The following PARD3B variants were observed in gnomAD, a reference collection of about 807,000 sequenced individuals.
PARD3B encodes the protein par-3 family cell polarity regulator beta, also known as partitioning defective 3 homolog B.
In PARD3B, 103 loss-of-function variants were observed where a neutral mutation model predicts 130.2. That is an observed-to-expected ratio of 0.79 (90% CI 0.67 to 0.93). PARD3B has a LOEUF of 0.93. Ranked by LOEUF, PARD3B falls within the 40% of genes least tolerant of loss-of-function variation. The pLI is 0.00. For missense variants in PARD3B, 1,609 were observed against 1,499.2 expected, an observed-to-expected ratio of 1.07 and a Z score of -1.21; for synonymous variants, 583 against 553.2, an observed-to-expected ratio of 1.05 and a Z score of -0.76.
intron 2 of PARD3B, among the ~76,000 whole-genome samples, chr2:204,854,707 T>C (rs1450200928): frequency 1.3e-5 from 2 of 152,132 alleles, no homozygotes; most frequent in African/African-American, 4.8e-5. Context: ...GGATAGCCCA[T>C]AGTTCTAGTC....
intron 20 of PARD3B, among the ~76,000 whole-genome samples, chr2:205,450,463 A>ATTTT (rs1559106458): frequency 3.8e-4 from 47 of 124,038 alleles, no homozygotes; most frequent in African/African-American, 8.6e-4. Context: ...TTAAGTGCAG[A>ATTTT]TTCTTTTTTT....
chr2:205,453,301 C>T (rs941220417), intron 20 of PARD3B, among the ~76,000 whole-genome samples: 27 of 152,198 alleles, frequency 1.8e-4, no homozygotes, highest in African/African-American at 3.4e-4. Flanking sequence ...AAACATGGTA[C>T]GTTTAGGAAA....
chr2:205,118,921 G>A lies in PARD3B; in HGVS notation c.681G>A (p.Arg227=). Residue 227 remains arginine (R), a splice_region_variant and synonymous_variant, in exon 7 of 23, where the codon AGG becomes AGA. Transcript: ENST00000406610. ...ATTTCAATCTAAATTTTGCATTTAGGATTCTAGGACTCTTCATCCGAGGCA... is the reference window on the plus strand; with the variant it reads ...ATTTCAATCTAAATTTTGCATTTAGAATTCTAGGACTCTTCATCCGAGGCA... ...VVPFFSSLSG[R]ILGLFIRGIE... is the part of the protein sequence containing the mutation. 1 of 1,563,876 alleles carries A rather than the reference G, an allele frequency of 6.4e-7. No individual in the cohort carries two copies. Among genetic ancestry groups the A allele is most frequent in the African/African-American group, 1.4e-5 (1 of 72,142 alleles).
At chr2:204,739,329 A>C (rs1335239742) in intron 2 of PARD3B, among the ~76,000 whole-genome samples, 1 of 151,966 alleles carries the variant, frequency 6.6e-6, no homozygotes, top group South Asian at 2.1e-4. Context: ...ATGTATTGAA[A>C]TGTGTGTGTT....
At position 204,572,635 on chromosome 2, in the gene PARD3B, A is replaced by AT. The variant is rs1414032591; in HGVS notation, c.120+26523dup. On this transcript the variant is annotated intron_variant, in intron 1 of 22. Transcript: ENST00000406610. ...ATTTCTATAAATACAGAAGCTGTGT[A>AT]TTTTTTTCCTGACAATATCTTAGTT... 3.3e-5 allele frequency among the ~76,000 whole-genome samples: 5 copies of AT among 152,254 alleles called. 1 individual carries two copies. In the East Asian group the frequency reaches 7.7e-4, roughly 24 times the overall value.
chr2:204,964,127 A>C (rs1188183532), intron 2 of PARD3B, among the ~76,000 whole-genome samples: 1 of 152,246 alleles, frequency 6.6e-6, no homozygotes, highest in African/African-American at 2.4e-5. Context: ...CTTAATGAAT[A>C]GAAAATATCT....
chr2:205,244,862 A>C lies in PARD3B; in HGVS notation c.2141-916A>C, dbSNP rs1486560068. On this transcript the variant is annotated intron_variant, in intron 15 of 22. Transcript: ENST00000406610. This position sits in a 1 kb window ranked among gnomAD's most constrained non-coding sequence, Gnocchi z 4.7. Reference sequence around the variant, plus strand: ...TCAAATGGATGCCCTTCAGTTATGAAGTTTTCTACTCTGGCTGTTGGAAAT... The same window carrying C: ...TCAAATGGATGCCCTTCAGTTATGACGTTTTCTACTCTGGCTGTTGGAAAT... Among the ~76,000 whole-genome samples the C allele has an allele frequency of 1.3e-5, 2 of 152,244 alleles. No homozygotes were observed. The highest frequency in any genetic ancestry group is 4.8e-5 in the African/African-American group (2 of 41,548).
intron 16 of PARD3B, among the ~76,000 whole-genome samples, chr2:205,264,357 G>T (rs1025192695): frequency 4.6e-5 from 7 of 151,086 alleles, no homozygotes; most frequent in Non-Finnish European, 8.9e-5. Context: ...GCAGTTACTA[G>T]AGTTAATGAT....
At chr2:205,039,950 C>CT (rs1014152616) in intron 3 of PARD3B, among the ~76,000 whole-genome samples, 4 of 151,778 alleles carry the variant, frequency 2.6e-5, no homozygotes, top group African/African-American at 4.8e-5. Context: ...GGCTTCAGTT[C>CT]TTTTTTTTGT....
In PARD3B at chr2:205,460,494, A is replaced by G. The variant is rs2048415731; in HGVS notation, c.3044+19822A>G. On this transcript the variant is annotated intron_variant, in intron 20 of 22. Coordinates refer to ENST00000406610, the MANE Select transcript of PARD3B (RefSeq NM_001302769.2). This position sits in a 1 kb window ranked among gnomAD's most constrained non-coding sequence, Gnocchi z 4.9. The stretch of plus-strand genomic sequence containing the variant: ...TATGCCCAGCATTGAGGTACTTTAC[A>G]TGCAATATGATGTCTCTTGAGCAAC... Among the ~76,000 whole-genome samples, 1 of 152,122 alleles carries G rather than the reference A, an allele frequency of 6.6e-6. No homozygotes were observed. The highest frequency in any genetic ancestry group is 1.5e-5 in the Non-Finnish European group (1 of 68,012).
At chr2:205,169,767 A>G (rs2035040091) in intron 11 of PARD3B, among the ~76,000 whole-genome samples, 1 of 152,130 alleles carries the variant, frequency 6.6e-6, no homozygotes. Context: ...CTCCTCTTTA[A>G]AAACCACACA....
Position 205,325,971 on chromosome 2 carries a change from T to C in PARD3B, c.2630+24270T>C, listed in dbSNP as rs1466651711. Among the ~76,000 whole-genome samples the C allele has an allele frequency of 6.6e-6, 1 of 152,152 alleles. No homozygotes were observed. Among genetic ancestry groups the C allele is most frequent in the Non-Finnish European group, 1.5e-5 (1 of 68,026 alleles). The stretch of plus-strand genomic sequence containing the variant: ...ATCTTAATGTGAATATCATGTACTG[T>C]TTTATCAAGCTTTAAATCTGAGGAA... On this transcript the variant is annotated intron_variant, in intron 18 of 22. Coordinates refer to ENST00000406610, the MANE Select transcript of PARD3B (RefSeq NM_001302769.2). This position sits in a 1 kb window ranked among gnomAD's most constrained non-coding sequence, Gnocchi z 4.1.
intron 3 of PARD3B, among the ~76,000 whole-genome samples, chr2:204,988,346 G>T (rs952714106): frequency 6.6e-6 from 1 of 152,176 alleles, no homozygotes; most frequent in Non-Finnish European, 1.5e-5. Flanking sequence ...GGCTGAGAAG[G>T]TAGTGGGGGG....
At chr2:204,667,733 C>A (rs902713153) in intron 1 of PARD3B, among the ~76,000 whole-genome samples, 9 of 152,156 alleles carry the variant, frequency 5.9e-5, no homozygotes, top group South Asian at 2.1e-4. Context: ...AAGGCAGTCA[C>A]ACATAGTGAG....
chr2:204,854,660 C>A (rs10198326), intron 2 of PARD3B, among the ~76,000 whole-genome samples: 41,701 of 152,020 alleles, frequency 0.27, 10,872 homozygotes, highest in African/African-American at 0.69. Context: ...AATCGTTGAC[C>A]TCCTCGGGAC....
intron 2 of PARD3B, among the ~76,000 whole-genome samples, chr2:204,904,533 T>A (rs1362079647): frequency 6.6e-6 from 1 of 152,172 alleles, no homozygotes; most frequent in Non-Finnish European, 1.5e-5. Flanking sequence ...AATATTTATA[T>A]CTACTATGTA....
chr2:204,978,451 G>A (rs943821075), intron 3 of PARD3B, among the ~76,000 whole-genome samples: 2 of 151,950 alleles, frequency 1.3e-5, no homozygotes, highest in Non-Finnish European at 2.9e-5. Flanking sequence ...ACATAACATG[G>A]GTGTTATTAA....
intron 3 of PARD3B, among the ~76,000 whole-genome samples, chr2:205,008,750 T>A (rs1695479387): frequency 6.6e-6 from 1 of 152,190 alleles, no homozygotes; most frequent in South Asian, 2.1e-4. Flanking sequence ...AGTTAGAATA[T>A]TTGTTTATGA....
At chr2:205,137,243 G>C (rs892030616) in intron 10 of PARD3B, among the ~76,000 whole-genome samples, 3 of 152,082 alleles carry the variant, frequency 2.0e-5, no homozygotes, top group Non-Finnish European at 1.5e-5. Flanking sequence ...GAAAGATTTC[G>C]TTTATGAGGT....
Sources: gnomAD v4.1 joint callset for allele counts (sites outside exome capture counted in the v4.1 genomes callset) on GRCh38, gnomAD v4.1.1 for gene constraint, Gnocchi (gnomAD v3.1) non-coding constraint, MANE v1.5 for transcripts, NCBI Gene and HGNC (gene_info 2026-07-23, HGNC 2026-07-21) for gene names.